The following PGM1 variants were observed in gnomAD, a reference collection of about 807,000 sequenced individuals.
PGM1 encodes the protein phosphoglucomutase-1.
In PGM1, 52 loss-of-function variants were observed where a neutral mutation model predicts 55.6. The ratio of observed to expected loss-of-function variants is 0.94; its 90% CI spans 0.75 to 1.18. PGM1 has a LOEUF of 1.18. Ranked by LOEUF, PGM1 falls within the 50% of genes most tolerant of loss-of-function variation. PGM1 has a pLI of 0.00. For synonymous variants in PGM1, 287 were observed against 271.7 expected (o/e 1.06, Z -0.55); for missense variants, 724 against 729.3 (o/e 0.99, Z 0.08).
rs779635442 is a variant in PGM1, at chr1:63,593,585, G to C, written c.97G>C (p.Ala33Pro). 1.2e-6 allele frequency: 2 copies of C among 1,613,558 alleles called. No homozygotes were observed. The highest frequency in any genetic ancestry group is 2.7e-5 in the African/African-American group (2 of 74,916). ...GCGGGTGAAGGTGTTCCAGAGCAGCGCCAACTACGCGGAGAACTTCATCCA... is the reference window on the plus strand; with the variant it reads ...GCGGGTGAAGGTGTTCCAGAGCAGCCCCAACTACGCGGAGAACTTCATCCA... The part of the protein sequence containing the change: ...RKRVKVFQSS[A>P]NYAENFIQSI... The change falls in exon 1 of 11, where the codon GCC (alanine) becomes CCC (proline). Residue 33 changes from alanine to proline, a missense_variant. Physicochemically the swap from Ala to Pro is conservative, Grantham distance 27. Coordinates refer to ENST00000371084, the MANE Select transcript of PGM1 (RefSeq NM_002633.3).
intron 10 of PGM1, among the ~76,000 whole-genome samples, chr1:63,656,264 A>AAAAGAC (rs948746607): frequency 3.9e-5 from 6 of 152,220 alleles, no homozygotes; most frequent in African/African-American, 1.4e-4. Flanking sequence ...GCTGTTCTCA[A>AAAAGAC]AAAGACAAAA....
At chr1:63,623,363 A>C in intron 1 of PGM1, 1 of 1,526,650 alleles carries the variant, frequency 6.6e-7, no homozygotes, top group South Asian at 1.3e-5. Flanking sequence ...TTAGTTACTC[A>C]TACGACACTG....
intron 9 of PGM1, 79 bp from the exon 10 acceptor site, chr1:63,654,253 C>T: frequency 7.2e-7 from 1 of 1,389,636 alleles, no homozygotes; most frequent in Non-Finnish European, 1.0e-6. Context: ...AAATTACATC[C>T]CCAAATAGAC....
At chr1:63,635,779 T>C (rs1201205912) in intron 5 of PGM1, among the ~76,000 whole-genome samples, 2 of 152,080 alleles carry the variant, frequency 1.3e-5, no homozygotes, top group African/African-American at 4.8e-5. Flanking sequence ...ATTCTGGGAG[T>C]GTTTTTTGGC....
chr1:63,605,552 T>C (rs1648396197), intron 1 of PGM1, among the ~76,000 whole-genome samples: 1 of 152,058 alleles, frequency 6.6e-6, no homozygotes, highest in Non-Finnish European at 1.5e-5. Flanking sequence ...CAGAGAATCC[T>C]GGGGAATATT....
At chr1:63,596,235 T>C (rs2100951511) in intron 1 of PGM1, among the ~76,000 whole-genome samples, 1 of 151,134 alleles carries the variant, frequency 6.6e-6, no homozygotes, top group East Asian at 1.9e-4. Context: ...TCTTCTTTCT[T>C]TCTTTCTTTT....
At chr1:63,657,887 A>G (rs372252656) in intron 10 of PGM1, among the ~76,000 whole-genome samples, 20 of 152,382 alleles carry the variant, frequency 1.3e-4, no homozygotes, top group African/African-American at 4.8e-4. Context: ...ACTTAATAGC[A>G]CAAGAGAAAA....
chr1:63,659,159 G>A lies in PGM1; in HGVS notation c.1600-427G>A, dbSNP rs2819176. ...CCACATCAGTCCCATTGGGAACAGT[G>A]TGGGAAAGAAATTGGAAGATGCACA... On this transcript the variant is annotated intron_variant, in intron 10 of 10. Coordinates refer to ENST00000371084, the MANE Select transcript of PGM1 (RefSeq NM_002633.3). Among the ~76,000 whole-genome samples, 46,720 of 151,834 alleles carry A rather than the reference G, an allele frequency of 0.31. 7,754 individuals carry two copies. The highest frequency in any genetic ancestry group is 0.45 in the African/African-American group (18,399 of 41,314).
chr1:63,629,070 G>A (rs899056160), intron 1 of PGM1, among the ~76,000 whole-genome samples: 13 of 152,148 alleles, frequency 8.5e-5, no homozygotes, highest in African/African-American at 2.4e-4. Flanking sequence ...GGATAAAAAT[G>A]TGGGTTTTCT....
Position 63,618,472 on chromosome 1 carries a change from T to C in PGM1, c.247-10953T>C, listed in dbSNP as rs186045059. Among the ~76,000 whole-genome samples the C allele has an allele frequency of 2.0e-5, 3 of 152,364 alleles. No homozygotes were observed. The East Asian group carries it at 5.8e-4, about 29-fold the overall frequency. On this transcript the variant is annotated intron_variant, in intron 1 of 10. Coordinates refer to ENST00000371084, the MANE Select transcript of PGM1 (RefSeq NM_002633.3). ...TGGAACCACAAGGCTAATCTTTAGA[T>C]AAACTAATATCCCACATTTCTTAAA...
At chr1:63,599,934 C>T (rs2100955356) in intron 1 of PGM1, 1 of 152,344 alleles carries the variant, frequency 6.6e-6, no homozygotes, top group South Asian at 2.1e-4. Flanking sequence ...AGCATACAAT[C>T]TTTTGGGGGA....
chr1:63,634,202 A>G (rs1256916632), intron 4 of PGM1, among the ~76,000 whole-genome samples: 1 of 151,888 alleles, frequency 6.6e-6, no homozygotes. Flanking sequence ...TTACCTCAGA[A>G]CACCAACATT....
In PGM1 at chr1:63,651,826, G is replaced by C. The variant is rs763811867; in HGVS notation, c.1438G>C (p.Val480Leu). The C allele has an allele frequency of 6.2e-7, 1 of 1,614,084 alleles. No homozygotes were observed. The highest frequency in any genetic ancestry group is 2.2e-5 in the East Asian group (1 of 44,874). ...CGATAACTTTGAATACAGCGACCCA[G>C]TGGATGGAAGCATTTCAAGAAATCA... ...KADNFEYSDP[V>L]DGSISRNQGL... The change falls in exon 9 of 11, where the codon GTG (valine) becomes CTG (leucine). Residue 480 changes from valine (V) to leucine (L), a missense_variant. Val to Leu is a conservative substitution (Grantham distance 32). This residue lies in a region of PGM1 where 316 missense variants were observed against 313.1 expected (regional missense o/e 1.01). Transcript: ENST00000371084.
At chr1:63,631,362 T>C (rs1649188677) in intron 3 of PGM1, among the ~76,000 whole-genome samples, 1 of 152,218 alleles carries the variant, frequency 6.6e-6, no homozygotes, top group Non-Finnish European at 1.5e-5. Context: ...GAAAATCCCC[T>C]GTGTGCCTCA....
rs1195120614 is a variant in PGM1, at chr1:63,594,866, CAGG to C, written c.246+1135_246+1137del. Among the ~76,000 whole-genome samples, 3 of 142,728 alleles carry C rather than the reference CAGG, an allele frequency of 2.1e-5. No homozygotes were observed. In the East Asian group the frequency reaches 6.2e-4, roughly 29 times the overall value. 93.6% of individuals were successfully genotyped at this position (142,728 alleles called of 152,430 possible). A position where few individuals can be genotyped will look rare whatever the true frequency, so the allele number is the denominator to read the frequency against. On this transcript the variant is annotated intron_variant, in intron 1 of 10. Transcript: ENST00000371084. ...GTCTCAGCTACTCGGGAGGCTGAGG[CAGG>C]AGAATGGCGTGAACCCGGGAGGCGG...
intron 7 of PGM1, among the ~76,000 whole-genome samples, chr1:63,644,847 T>A (rs1028651353): frequency 6.6e-6 from 1 of 152,238 alleles, no homozygotes; most frequent in Non-Finnish European, 1.5e-5. Context: ...CTTTATCTGC[T>A]GAGCCACAGA....
Position 63,659,740 on chromosome 1 carries a change from G to A in PGM1, c.*65G>A, listed in dbSNP as rs1650069111. On this transcript the variant is annotated 3_prime_UTR_variant, in exon 11 of 11. Transcript: ENST00000371084. ...CCCATCCAAGTCATCTGATTGAAGA[G>A]CATGACAGAAACAAAATGTATTCAC... 1 of 1,219,738 alleles carries A rather than the reference G, an allele frequency of 8.2e-7. No individual in the cohort carries two copies. 75.6% of individuals were successfully genotyped at this position (1,219,738 alleles called of 1,614,324 possible).
At chr1:63,644,368 A>G (rs1262025467) in intron 7 of PGM1, among the ~76,000 whole-genome samples, 1 of 152,212 alleles carries the variant, frequency 6.6e-6, no homozygotes, top group Non-Finnish European at 1.5e-5. Flanking sequence ...CTCACAGTTA[A>G]ATGAGCTTGG....
intron 1 of PGM1, among the ~76,000 whole-genome samples, chr1:63,603,151 T>C (rs1648290291): frequency 6.6e-6 from 1 of 152,368 alleles, no homozygotes; most frequent in Middle Eastern, 3.4e-3. Context: ...ATGTACCTCA[T>C]GTTTTCTATT....
Sources: gnomAD v4.1 joint callset for allele counts (sites outside exome capture counted in the v4.1 genomes callset) on GRCh38, gnomAD v4.1.1 for gene constraint, gnomAD v4.1.1 regional missense constraint, MANE v1.5 for transcripts, NCBI Gene and HGNC (gene_info 2026-07-23, HGNC 2026-07-21) for gene names.